Variants in SPEG observed in about 807,000 individuals in gnomAD.
SPEG encodes the protein striated muscle preferentially expressed protein kinase.
Under a neutral mutation model 300.4 loss-of-function variants are expected in SPEG, and 114 were observed. The observed-to-expected ratio is 0.38, with a 90% CI of 0.33 to 0.44. The LOEUF is 0.44. Among genes scored for constraint, SPEG ranks in the 20% least tolerant of loss-of-function variants. SPEG has a pLI of 1.00. For missense variants in SPEG, 4,201 were observed against 4,586.2 expected (o/e 0.92, Z 2.43); for synonymous variants, 1,964 against 2,018.9 (o/e 0.97, Z 0.73).
In SPEG at chr2:219,444,540, GC is replaced by G; in HGVS notation, c.389-110del. The G allele has an allele frequency of 1.1e-6, 1 of 871,880 alleles. No individual in the cohort carries two copies. The highest frequency in any genetic ancestry group is 1.9e-6 in the Non-Finnish European group (1 of 534,620). The allele number at this position is 871,880 out of a possible 1,614,324, so 54.0% of individuals were successfully genotyped here. On this transcript the variant is annotated intron_variant, in intron 1 of 40. Transcript: ENST00000312358. This position sits in a 1 kb window ranked among gnomAD's most constrained non-coding sequence, Gnocchi z 7.8. The stretch of plus-strand genomic sequence containing the variant: ...GAGCAAAAGAGAGGAGGTGCTGGCA[GC>G]CCTGCCAGTGATAAGATGGAGCCTG...
In SPEG at chr2:219,481,255, C is replaced by T. The variant is rs1692812569; in HGVS notation, c.5370-49C>T. 1 of 1,589,618 alleles carries T rather than the reference C, an allele frequency of 6.3e-7. No individual in the cohort carries two copies. Among genetic ancestry groups the T allele is most frequent in the Non-Finnish European group, 8.6e-7 (1 of 1,164,324 alleles). On this transcript the variant is annotated intron_variant, in intron 26 of 40. Transcript: ENST00000312358. The surrounding 1 kb of genome is among the most constrained non-coding windows in gnomAD (Gnocchi z 5.4). ...CCAGCCCTGTGCCCCCACTGACATT[C>T]CCCTTTGTCCCCGCCTGCCCCTCAT...
rs1336861504 is a variant in SPEG, at chr2:219,473,124, G to C, written c.4147+28G>C. Reference sequence around the variant, plus strand: ...GAGCCTGGGTGCTCCTGTCGGGTGGGGGTGGGAGCTGCTGGGATGGGGAAT... The same window carrying C: ...GAGCCTGGGTGCTCCTGTCGGGTGGCGGTGGGAGCTGCTGGGATGGGGAAT... On this transcript the variant is annotated intron_variant, in intron 16 of 40. Coordinates refer to ENST00000312358, the MANE Select transcript of SPEG (RefSeq NM_005876.5). This position sits in a 1 kb window ranked among gnomAD's most constrained non-coding sequence, Gnocchi z 4.6. 2 of 1,602,416 alleles carry C rather than the reference G, an allele frequency of 1.2e-6. No individual in the cohort carries two copies. The highest frequency in any genetic ancestry group is 2.2e-5 in the East Asian group (1 of 44,610).
Position 219,471,739 on chromosome 2 carries a change from C to T in SPEG, c.3716-129C>T, listed in dbSNP as rs376169862. Reference sequence around the variant, plus strand: ...TTCTTGCTGCCTGCCCCATCCTTGCCCCATCCTTGCCCACTCGCCTCCTCC... The same window carrying T: ...TTCTTGCTGCCTGCCCCATCCTTGCTCCATCCTTGCCCACTCGCCTCCTCC... On this transcript the variant is annotated intron_variant, in intron 13 of 40. Coordinates refer to ENST00000312358, the MANE Select transcript of SPEG (RefSeq NM_005876.5). The T allele has an allele frequency of 1.5e-5, 18 of 1,163,596 alleles. No individual in the cohort carries two copies. The South Asian group carries it at 2.6e-4, about 17-fold the overall frequency. The allele number at this position is 1,163,596 out of a possible 1,614,324, so 72.1% of individuals were successfully genotyped here. A position where few individuals can be genotyped will look rare whatever the true frequency, so the allele number is the denominator to read the frequency against.
chr2:219,442,010 C>G, intron 1 of SPEG: 2 of 605,292 alleles, frequency 3.3e-6, no homozygotes, highest in South Asian at 7.9e-5. Flanking sequence ...CCCCGCCCGT[C>G]CCCTCCTCGC....
At chr2:219,450,216 A>T (rs780369657) in intron 4 of SPEG, among the ~76,000 whole-genome samples, 24 of 152,318 alleles carry the variant, frequency 1.6e-4, no homozygotes, top group Non-Finnish European at 2.6e-4. Flanking sequence ...CAAACACACA[A>T]CTATGTGCCA....
At chr2:219,485,122 G>A in intron 30 of SPEG, 50 bp downstream of exon 30, 2 of 1,517,280 alleles carry the variant, frequency 1.3e-6, no homozygotes, top group African/African-American at 1.4e-5. Flanking sequence ...GGTGGGGTGC[G>A]CTGGAGAGAG....
intron 13 of SPEG, 95 bp downstream of exon 13, chr2:219,469,474 C>T (rs1691679119): frequency 2.0e-6 from 2 of 1,013,744 alleles, no homozygotes; most frequent in Admixed American, 4.4e-5. Flanking sequence ...CAGGCCTTTC[C>T]TCTGTAGCCT....
Position 219,449,003 on chromosome 2 carries a change from C to T in SPEG, c.1845C>T (p.Ala615=). The T allele has an allele frequency of 1.4e-6, 2 of 1,479,680 alleles. No homozygotes were observed. The highest frequency in any genetic ancestry group is 1.8e-6 in the Non-Finnish European group (2 of 1,117,666). 91.7% of individuals were successfully genotyped at this position (1,479,680 alleles called of 1,614,324 possible). A position where few individuals can be genotyped will look rare whatever the true frequency, so the allele number is the denominator to read the frequency against. ...QECRSPVPPP[A]ADPPEARTKA... is the part of the protein sequence containing the mutation. ...GCAGGAGCCCTGTGCCGCCCCCCGC[C>T]GCCGATCCCCCAGAGGCCAGGACGA... Residue 615 remains alanine (A), a synonymous_variant, in exon 4 of 41, where the codon GCC becomes GCT. Coordinates refer to ENST00000312358, the MANE Select transcript of SPEG (RefSeq NM_005876.5).
In SPEG at chr2:219,473,638, T is replaced by A; in HGVS notation, c.4271+11T>A. 2 of 1,614,158 alleles carry A rather than the reference T, an allele frequency of 1.2e-6. No individual in the cohort carries two copies. The highest frequency in any genetic ancestry group is 2.7e-5 in the African/African-American group (2 of 75,058). On this transcript the variant is annotated intron_variant, in intron 17 of 40. Transcript: ENST00000312358. The surrounding 1 kb of genome is among the most constrained non-coding windows in gnomAD (Gnocchi z 4.6). ...GGTCGTCTGGAGGAGGTGGGCCCCT[T>A]TCCCACATGTGGCAGCCCAGGTCTG... is the stretch of plus-strand genomic sequence containing the variant.
Position 219,480,010 on chromosome 2 carries a change from C to T in SPEG, c.5212C>T (p.Arg1738Trp), listed in dbSNP as rs1401200569. 5 of 1,614,114 alleles carry T rather than the reference C, an allele frequency of 3.1e-6. No individual in the cohort carries two copies. The highest frequency in any genetic ancestry group is 1.3e-5 in the African/African-American group (1 of 75,032). Residue 1738 changes from arginine to tryptophan, a missense_variant, in exon 25 of 41, where the codon CGG becomes TGG. This residue lies in a region of SPEG where 1,047 missense variants were observed against 1,356.8 expected (regional missense o/e 0.77). Coordinates refer to ENST00000312358, the MANE Select transcript of SPEG (RefSeq NM_005876.5). The surrounding 1 kb of genome is among the most constrained non-coding windows in gnomAD (Gnocchi z 5.3). ...WDGAAGEQQV[R>W]ICDFGNAQEL... ...TGGTGCTGCGGGCGAGCAGCAGGTG[C>T]GGATCTGTGACTTTGGGAATGCCCA...
rs760382098 is a variant in SPEG at position 219,485,033 on chromosome 2, T to C, written c.7570T>C (p.Ser2524Pro). 1.1e-5 allele frequency: 17 copies of C among 1,531,878 alleles called. No homozygotes were observed. The South Asian group carries it at 1.9e-4, about 17-fold the overall frequency. The allele number at this position is 1,531,878 out of a possible 1,614,324, so 94.9% of individuals were successfully genotyped here. The part of the protein sequence containing the change: ...QAGATTPSAE[S>P]LGSEASATSG... Reference sequence around the variant, plus strand: ...CGGCGCCACCACGCCTTCCGCCGAGTCCCTGGGCTCCGAGGCCAGCGCCAC... The same window carrying C: ...CGGCGCCACCACGCCTTCCGCCGAGCCCCTGGGCTCCGAGGCCAGCGCCAC... Residue 2524 changes from serine (S) to proline (P), a missense_variant, in exon 30 of 41, where the codon TCC becomes CCC. Coordinates refer to ENST00000312358, the MANE Select transcript of SPEG (RefSeq NM_005876.5).
At position 219,469,141 on chromosome 2, in the gene SPEG, T is replaced by C. The variant is rs1691647849; in HGVS notation, c.3492-15T>C. On this transcript the variant is annotated splice_polypyrimidine_tract_variant and intron_variant, in intron 12 of 40. Transcript: ENST00000312358. Reference sequence around the variant, plus strand: ...GCACGGCCCTGGGCCTGTGGGCAGCTGTGTGGTCTTGCAGCTCGAAGCTGG... The same window carrying C: ...GCACGGCCCTGGGCCTGTGGGCAGCCGTGTGGTCTTGCAGCTCGAAGCTGG... The C allele has an allele frequency of 1.9e-6, 3 of 1,613,260 alleles. No homozygotes were observed. Among genetic ancestry groups the C allele is most frequent in the African/African-American group, 2.7e-5 (2 of 74,918 alleles).
chr2:219,460,929 G>A (rs1690625937), intron 6 of SPEG: 1 of 986,108 alleles, frequency 1.0e-6, no homozygotes, highest in African/African-American at 1.7e-5. Flanking sequence ...CAGGCAGCAG[G>A]AGGGCCTGGT....
intron 1 of SPEG, among the ~76,000 whole-genome samples, chr2:219,435,656 AG>A (rs1458172621): frequency 1.3e-5 from 2 of 152,202 alleles, no homozygotes; most frequent in Non-Finnish European, 2.9e-5. Context: ...CTGGGGTGGA[AG>A]TTCTTCTCCT....
chr2:219,484,184 C>G lies in SPEG; in HGVS notation c.6721C>G (p.Pro2241Ala). The G allele has an allele frequency of 6.2e-7, 1 of 1,613,418 alleles. No homozygotes were observed. Among genetic ancestry groups the G allele is most frequent in the Non-Finnish European group, 8.5e-7 (1 of 1,179,936 alleles). ...CCAGGCCCTGCAAACCCTAGCGCTG[C>G]CCCTCACACCCTATGCTCAGATCAT... The part of the protein sequence containing the change: ...PPQALQTLAL[P>A]LTPYAQIIQS... Residue 2241 changes from proline to alanine, a missense_variant, in exon 30 of 41, where the codon CCC (proline) becomes GCC (alanine). Around this residue, in one of 4 missense-constraint regions of SPEG, gnomAD observed 1,578 missense variants for 1,506.0 expected, o/e 1.05. Coordinates refer to ENST00000312358, the MANE Select transcript of SPEG (RefSeq NM_005876.5).
rs541379293 is a variant in SPEG, at chr2:219,472,445, A to G, written c.3940+114A>G. 8.4e-5 allele frequency: 75 copies of G among 887,896 alleles called. 2 individuals are homozygous for G. In the South Asian group the frequency reaches 1.1e-3, roughly 13 times the overall value. The allele number at this position is 887,896 out of a possible 1,614,324, so 55.0% of individuals were successfully genotyped here. ...AGCGGATGGGCAGGGGCAGGAGCTG[A>G]TGGAATGCTGGTGGGACCAGCTTTG... On this transcript the variant is annotated intron_variant, in intron 15 of 40. Coordinates refer to ENST00000312358, the MANE Select transcript of SPEG (RefSeq NM_005876.5).
Position 219,466,325 on chromosome 2 carries a change from G to T in SPEG, c.2882-849G>T, listed in dbSNP as rs1008965197. 4.3e-6 allele frequency: 6 copies of T among 1,410,336 alleles called. No homozygotes were observed. In the African/African-American group the frequency reaches 8.7e-5, roughly 20 times the overall value. The allele number at this position is 1,410,336 out of a possible 1,614,324, so 87.4% of individuals were successfully genotyped here. The stretch of plus-strand genomic sequence containing the variant: ...CAGATGGACTGAGTGCTGGGAAGGG[G>T]CGGCTGCGAGGGGTATCAACCCCCC... On this transcript the variant is annotated intron_variant, in intron 9 of 40. Transcript: ENST00000312358.
At position 219,464,381 on chromosome 2, in the gene SPEG, C is replaced by T; in HGVS notation, c.2706-52C>T. The T allele has an allele frequency of 6.5e-7, 1 of 1,549,134 alleles. No homozygotes were observed. The highest frequency in any genetic ancestry group is 8.7e-7 in the Non-Finnish European group (1 of 1,145,032). ...CAGTGCTGCAGCCCCAGTTCCTGTG[C>T]ACGCACATCAGGCCCCTGGGCCCTG... On this transcript the variant is annotated intron_variant, in intron 8 of 40. Coordinates refer to ENST00000312358, the MANE Select transcript of SPEG (RefSeq NM_005876.5). This position sits in a 1 kb window ranked among gnomAD's most constrained non-coding sequence, Gnocchi z 4.5.
rs190985 is a variant in SPEG at position 219,489,481 on chromosome 2, C to T, written c.8463C>T (p.Pro2821=). 1 of 1,611,572 alleles carries T rather than the reference C, an allele frequency of 6.2e-7. No homozygotes were observed. The highest frequency in any genetic ancestry group is 8.5e-7 in the Non-Finnish European group (1 of 1,178,590). Residue 2821 remains proline (P), a synonymous_variant, in exon 36 of 41, where the codon CCC becomes CCT. Coordinates refer to ENST00000312358, the MANE Select transcript of SPEG (RefSeq NM_005876.5). ...APTPPSVTVS[P]SSPPTPPSQA... is the part of the protein sequence containing the mutation. ...CACCCCCGTCAGTCACTGTCAGCCC[C>T]TCATCTCCCCCCACACCTCCTAGCC...
Sources: gnomAD v4.1 joint callset for allele counts (sites outside exome capture counted in the v4.1 genomes callset) on GRCh38, gnomAD v4.1.1 for gene constraint, gnomAD v4.1.1 regional missense constraint, Gnocchi (gnomAD v3.1) non-coding constraint, MANE v1.5 for transcripts, NCBI Gene and HGNC (gene_info 2026-07-23, HGNC 2026-07-21) for gene names.